HSPBAP1: variants seen among roughly 807,000 people sequenced by gnomAD.
The protein encoded by HSPBAP1 is HSPB1-associated protein 1.
HSPBAP1 carries 27 observed loss-of-function variants against 45.2 expected under a neutral mutation model. The ratio of observed to expected loss-of-function variants is 0.60; its 90% CI spans 0.44 to 0.82. The LOEUF (loss-of-function observed/expected upper bound fraction) is 0.82, where lower values mean the gene tolerates loss of function less well. Among genes scored for constraint, HSPBAP1 ranks in the 40% least tolerant of loss-of-function variants. HSPBAP1 has a pLI of 0.00. For missense variants in HSPBAP1, 510 were observed against 590.9 expected (o/e 0.86, Z 1.42); for synonymous variants, 204 against 202.7 (o/e 1.01, Z -0.06).
intron 3 of HSPBAP1, among the ~76,000 whole-genome samples, chr3:122,762,635 T>C (rs1371097923): frequency 6.6e-6 from 1 of 152,250 alleles, no homozygotes; most frequent in Admixed American, 6.5e-5. Context: ...GACTTATGGA[T>C]TATTTGGAAG....
chr3:122,773,559 G>A (rs564444265), intron 2 of HSPBAP1, among the ~76,000 whole-genome samples: 7 of 146,574 alleles, frequency 4.8e-5, no homozygotes, highest in African/African-American at 1.0e-4. Context: ...CAGGTAATCC[G>A]CCCACCTTGG....
chr3:122,752,544 A>G, intron 6 of HSPBAP1, 47 bp downstream of exon 6: 1 of 1,124,240 alleles, frequency 8.9e-7, no homozygotes, highest in Non-Finnish European at 1.3e-6. Context: ...TTTTAAAAGC[A>G]TGATTTGCAC....
chr3:122,780,833 T>C (rs1318268369), intron 1 of HSPBAP1, among the ~76,000 whole-genome samples: 8 of 132,088 alleles, frequency 6.1e-5, no homozygotes, highest in South Asian at 2.5e-4. Context: ...TCCTCACTTC[T>C]CAGACGGGGC....
intron 5 of HSPBAP1, chr3:122,752,890 T>G (rs1272546211): frequency 2.3e-6 from 3 of 1,295,684 alleles, no homozygotes; most frequent in Non-Finnish European, 2.9e-6. Flanking sequence ...CAAAGGATAC[T>G]GCCAGCATCT....
chr3:122,791,912 G>C (rs1248275763), intron 1 of HSPBAP1, among the ~76,000 whole-genome samples: 2 of 152,188 alleles, frequency 1.3e-5, no homozygotes, highest in African/African-American at 4.8e-5. Context: ...GTGGAGAAGG[G>C]ATTAGAGGGG....
rs540148103 is a variant in HSPBAP1 at position 122,793,743 on chromosome 3, T to A, written c.-63A>T. On this transcript the variant is annotated 5_prime_UTR_variant, in exon 1 of 8. Transcript: ENST00000306103. Reference sequence around the variant, plus strand: ...GAGCGGAGCTGGGGTGGGGTCAGAGTAGGGGCCAAACTCCGAGACCCGAAG... The same window carrying A: ...GAGCGGAGCTGGGGTGGGGTCAGAGAAGGGGCCAAACTCCGAGACCCGAAG... The A allele has an allele frequency of 3.7e-4, 554 of 1,505,508 alleles. No individual in the cohort carries two copies. The highest frequency in any genetic ancestry group is 4.8e-4 in the Non-Finnish European group (523 of 1,086,116). 93.3% of individuals were successfully genotyped at this position (1,505,508 alleles called of 1,614,324 possible).
chr3:122,762,562 A>C (rs1934631454), intron 3 of HSPBAP1, among the ~76,000 whole-genome samples: 1 of 152,146 alleles, frequency 6.6e-6, no homozygotes, highest in Non-Finnish European at 1.5e-5. Context: ...ATATCTCTTC[A>C]GCCTTGACTT....
At chr3:122,743,778 A>G (rs776062014) in intron 6 of HSPBAP1, among the ~76,000 whole-genome samples, 9 of 152,200 alleles carry the variant, frequency 5.9e-5, no homozygotes, top group Non-Finnish European at 1.2e-4. Flanking sequence ...TTTTTTGTTT[A>G]AACAAGAGAA....
chr3:122,744,454 A>G (rs1933777537), intron 6 of HSPBAP1, among the ~76,000 whole-genome samples: 1 of 152,246 alleles, frequency 6.6e-6, no homozygotes, highest in Non-Finnish European at 1.5e-5. Flanking sequence ...TCCAATGTTG[A>G]AGAGACAATG....
intron 1 of HSPBAP1, among the ~76,000 whole-genome samples, chr3:122,780,469 C>T (rs1412275874): frequency 6.9e-5 from 8 of 116,100 alleles, no homozygotes; most frequent in East Asian, 2.6e-4. Context: ...GCAGAGGCGC[C>T]CCTCACCTCC....
At position 122,740,426 on chromosome 3, in the gene HSPBAP1, C is replaced by T. The variant is rs892296434; in HGVS notation, c.1386G>A (p.Thr462=). Residue 462 remains threonine, a synonymous_variant, in exon 8 of 8, where the codon ACG becomes ACA. Coordinates refer to ENST00000306103, the MANE Select transcript of HSPBAP1 (RefSeq NM_024610.6). ...TCACCAAGCAGTCCAGCAAGTCATCCGTAGAAATGAATGTTTGAGGAGTCG... is the reference window on the plus strand; with the variant it reads ...TCACCAAGCAGTCCAGCAAGTCATCTGTAGAAATGAATGTTTGAGGAGTCG... The part of the protein sequence containing the change: ...TTTTPQTFIS[T]DDLLDCLVNP... 15 of 1,612,938 alleles carry T rather than the reference C, an allele frequency of 9.3e-6. 1 individual carries two copies. The highest frequency in any genetic ancestry group is 5.4e-5 in the African/African-American group (4 of 74,602).
rs145633460 is a variant in HSPBAP1 at position 122,740,673 on chromosome 3, T to C, written c.1139A>G (p.Asp380Gly). The C allele has an allele frequency of 5.5e-4, 880 of 1,614,008 alleles. 4 individuals are homozygous for C. The African/African-American group carries it at 0.01, about 19-fold the overall frequency. Residue 380 changes from aspartate to glycine, a missense_variant, in exon 8 of 8, where the codon GAC (aspartate) becomes GGC (glycine). Coordinates refer to ENST00000306103, the MANE Select transcript of HSPBAP1 (RefSeq NM_024610.6). ...TGSQNLTTGT[D>G]KPEAASPFGP... ...AAAGGGACTTGCTGCCTCCGGTTTG[T>C]CTGTTCCTGTGGTCAAGTTCTGGCT...
chr3:122,752,538 AAAAGCATGATTTGCACT>A, intron 6 of HSPBAP1, 36 bp downstream of exon 6: 1 of 1,091,608 alleles, frequency 9.2e-7, no homozygotes, highest in Non-Finnish European at 1.3e-6. Flanking sequence ...TATATCTTTT[AAAAGCATGATTTGCACT>A]TACTTAAAAA....
At chr3:122,741,253 A>G in intron 6 of HSPBAP1, 140 bp from the exon 7 acceptor site, 1 of 656,414 alleles carries the variant, frequency 1.5e-6, no homozygotes, top group Non-Finnish European at 2.6e-6. Context: ...CTATTGGTAG[A>G]ACCACAATTT....
chr3:122,756,781 G>A (rs557625552), intron 4 of HSPBAP1, among the ~76,000 whole-genome samples: 2 of 152,012 alleles, frequency 1.3e-5, no homozygotes, highest in African/African-American at 4.8e-5. Flanking sequence ...AACCATTGAG[G>A]TTCAAAAGCT....
chr3:122,749,141 TTTAC>T (rs1934036334), intron 6 of HSPBAP1, among the ~76,000 whole-genome samples: 1 of 151,490 alleles, frequency 6.6e-6, no homozygotes, highest in African/African-American at 2.4e-5. Context: ...TATCTATTCA[TTTAC>T]TTACTTTTAT....
At chr3:122,777,994 A>C (rs1010785763) in intron 1 of HSPBAP1, 88 bp from the exon 2 acceptor site, 2 of 794,076 alleles carry the variant, frequency 2.5e-6, no homozygotes, top group African/African-American at 3.5e-5. Context: ...TATTGTTTTT[A>C]TCATGGCAAA....
intron 4 of HSPBAP1, among the ~76,000 whole-genome samples, chr3:122,756,213 A>C (rs1934350888): frequency 2.6e-5 from 4 of 152,204 alleles, no homozygotes; most frequent in African/African-American, 7.2e-5. Flanking sequence ...TTCTGAGAAA[A>C]GAAGCCCAAA....
At chr3:122,764,685 A>G (rs1934714354) in intron 3 of HSPBAP1, among the ~76,000 whole-genome samples, 1 of 152,216 alleles carries the variant, frequency 6.6e-6, no homozygotes, top group Non-Finnish European at 1.5e-5. Context: ...TGTTTTGAAC[A>G]TTTTGTTCTC....
Sources: allele counts gnomAD v4.1 joint callset (sites outside exome capture counted in the v4.1 genomes callset), GRCh38; gene constraint gnomAD v4.1.1; transcripts MANE v1.5; gene names NCBI Gene and HGNC (gene_info 2026-07-23, HGNC 2026-07-21).